The following TMEM38A variants were observed in gnomAD, a reference collection of about 807,000 sequenced individuals.
TMEM38A encodes the protein trimeric intracellular cation channel type A.
Under a neutral mutation model 28.6 loss-of-function variants are expected in TMEM38A, and 17 were observed. The observed-to-expected ratio is 0.60, with a 90% confidence interval of 0.41 to 0.89. TMEM38A has a LOEUF of 0.89. Ranked by LOEUF, TMEM38A falls within the 40% of genes least tolerant of loss-of-function variation. The pLI is 0.00. For missense variants in TMEM38A, 328 were observed against 393.1 expected, an observed-to-expected ratio of 0.83 and a Z score of 1.40; for synonymous variants, 169 against 166.1, an observed-to-expected ratio of 1.02 and a Z score of -0.14.
In TMEM38A at chr19:16,661,159, G is replaced by A; in HGVS notation, c.-59G>A. ...GGGGCGCAGTCGCCGGGCCGCGGGC[G>A]GCGGGACGGACGAGGCCGGGGCCCC... On this transcript the variant is annotated 5_prime_UTR_variant, in exon 1 of 6. Coordinates refer to ENST00000187762, the MANE Select transcript of TMEM38A (RefSeq NM_024074.4). This position sits in a 1 kb window ranked among gnomAD's most constrained non-coding sequence, Gnocchi z 6.5. 2 of 1,101,584 alleles carry A rather than the reference G, an allele frequency of 1.8e-6. No homozygotes were observed. The highest frequency in any genetic ancestry group is 1.1e-6 in the Non-Finnish European group (1 of 901,468). 68.2% of individuals were successfully genotyped at this position (1,101,584 alleles called of 1,614,324 possible). A position where few individuals can be genotyped will look rare whatever the true frequency, so the allele number is the denominator to read the frequency against.
At chr19:16,685,050 G>A (rs2547110) in intron 4 of TMEM38A, among the ~76,000 whole-genome samples, 141,976 of 149,284 alleles carry the variant, frequency 0.95, 67,616 homozygotes, top group Non-Finnish European at 0.99. Flanking sequence ...CCCTGTCTCT[G>A]TAAATAAATA....
At position 16,682,522 on chromosome 19, in the gene TMEM38A, T is replaced by A. The variant is rs900554440; in HGVS notation, c.554+14T>A. 1.9e-6 allele frequency: 3 copies of A among 1,612,174 alleles called. No homozygotes were observed. Among genetic ancestry groups the A allele is most frequent in the Non-Finnish European group, 2.5e-6 (3 of 1,178,480 alleles). On this transcript the variant is annotated intron_variant, in intron 4 of 5. Coordinates refer to ENST00000187762, the MANE Select transcript of TMEM38A (RefSeq NM_024074.4). Reference sequence around the variant, plus strand: ...GCACATGTCTTTGTGAGTATCCCACTCCACCTCTCCCTCCATGCCTCCTGT... The same window carrying A: ...GCACATGTCTTTGTGAGTATCCCACACCACCTCTCCCTCCATGCCTCCTGT...
chr19:16,677,328 C>T (rs531401916), intron 1 of TMEM38A, among the ~76,000 whole-genome samples: 1 of 152,162 alleles, frequency 6.6e-6, no homozygotes, highest in South Asian at 2.1e-4. Context: ...AACTCAACTA[C>T]AGACTTTATA....
rs765959119 is a variant in TMEM38A at position 16,680,108 on chromosome 19, C to A, written c.249C>A (p.Asn83Lys). Residue 83 changes from asparagine (N) to lysine (K), a missense_variant, in exon 2 of 6, where the codon AAC becomes AAA. Coordinates refer to ENST00000187762, the MANE Select transcript of TMEM38A (RefSeq NM_024074.4). Reference protein sequence around the residue: ...LGEPLIDYFSNNSSILLASAV... With the variant: ...LGEPLIDYFSKNSSILLASAV... The stretch of plus-strand genomic sequence containing the variant: ...AGCCACTGATCGATTACTTCAGCAA[C>A]AACTCCAGCATCCTGCTGGCCTCAG... The A allele has an allele frequency of 2.5e-6, 4 of 1,610,330 alleles. No homozygotes were observed. Among genetic ancestry groups the A allele is most frequent in the Middle Eastern group, 1.6e-4 (1 of 6,062 alleles).
chr19:16,677,629 T>A (rs2086757896), intron 1 of TMEM38A, among the ~76,000 whole-genome samples: 1 of 143,628 alleles, frequency 7.0e-6, no homozygotes, highest in African/African-American at 2.7e-5. Context: ...TGCTCATGAC[T>A]CACTGCAGCC....
chr19:16,688,147 T>C lies in TMEM38A; in HGVS notation c.676T>C (p.Phe226Leu). ...CTCCCTGGCCACCCCACCTCAGGTG[T>C]TTCTGACAGCCACCCACTCACACAG... is the stretch of plus-strand genomic sequence containing the variant. ...FTLFMVSCKV[F>L]LTATHSHSSP... is the part of the protein sequence containing the mutation. The change falls in exon 6 of 6, where the codon TTT (phenylalanine) becomes CTT (leucine). Residue 226 changes from phenylalanine to leucine, a missense_variant. Phe to Leu is a conservative substitution (Grantham distance 22, BLOSUM62 0). Transcript: ENST00000187762. 1 of 1,437,380 alleles carries C rather than the reference T, an allele frequency of 7.0e-7. No individual in the cohort carries two copies. Among genetic ancestry groups the C allele is most frequent in the Non-Finnish European group, 9.2e-7 (1 of 1,087,014 alleles). 89.0% of individuals were successfully genotyped at this position (1,437,380 alleles called of 1,614,324 possible). A position where few individuals can be genotyped will look rare whatever the true frequency, so the allele number is the denominator to read the frequency against.
chr19:16,686,194 G>C, intron 4 of TMEM38A, 94 bp from the exon 5 acceptor site: 1 of 813,540 alleles, frequency 1.2e-6, no homozygotes, highest in South Asian at 1.6e-5. Flanking sequence ...AGCTGGGATG[G>C]GAGCTGGTGC....
At chr19:16,685,548 G>A (rs1363904597) in intron 4 of TMEM38A, among the ~76,000 whole-genome samples, 1 of 152,210 alleles carries the variant, frequency 6.6e-6, no homozygotes, top group Non-Finnish European at 1.5e-5. Context: ...CTGCCAACCA[G>A]GGAAGCTCTT....
chr19:16,685,807 C>CT (rs2086799332), intron 4 of TMEM38A, among the ~76,000 whole-genome samples: 1 of 152,236 alleles, frequency 6.6e-6, no homozygotes, highest in East Asian at 1.9e-4. Context: ...AAGGCCAGAT[C>CT]TTTCCTTGGA....
At chr19:16,672,378 G>A (rs892537629) in intron 1 of TMEM38A, among the ~76,000 whole-genome samples, 2 of 150,568 alleles carry the variant, frequency 1.3e-5, no homozygotes, top group Admixed American at 6.6e-5. Flanking sequence ...ATTATCTTGG[G>A]CCTCACATAA....
At chr19:16,663,226 A>T (rs1357545091) in intron 1 of TMEM38A, among the ~76,000 whole-genome samples, 1 of 151,640 alleles carries the variant, frequency 6.6e-6, no homozygotes, top group East Asian at 2.0e-4. Flanking sequence ...GGTTGCAGTG[A>T]GCCGAGATCA....
At chr19:16,672,244 G>A (rs2086730631) in intron 1 of TMEM38A, among the ~76,000 whole-genome samples, 1 of 152,030 alleles carries the variant, frequency 6.6e-6, no homozygotes, top group African/African-American at 2.4e-5. Flanking sequence ...AGAAAAAAGT[G>A]GCTTGTTCAA....
chr19:16,683,365 GT>G (rs2086789284), intron 4 of TMEM38A, among the ~76,000 whole-genome samples: 1 of 151,880 alleles, frequency 6.6e-6, no homozygotes, highest in South Asian at 2.1e-4. Context: ...AAGCCTGGAG[GT>G]TTGCTTGAGT....
intron 1 of TMEM38A, among the ~76,000 whole-genome samples, chr19:16,679,092 T>A (rs1166388788): frequency 1.3e-5 from 2 of 148,672 alleles, no homozygotes; most frequent in African/African-American, 5.0e-5. Flanking sequence ...GAATTTGCAA[T>A]GAGCTGAGAT....
In TMEM38A at chr19:16,680,055, T is replaced by C; in HGVS notation, c.196T>C (p.Tyr66His). 6.2e-7 allele frequency: 1 copy of C among 1,611,562 alleles called. No individual in the cohort carries two copies. Among genetic ancestry groups the C allele is most frequent in the East Asian group, 2.2e-5 (1 of 44,874 alleles). The change falls in exon 2 of 6, where the codon TAC (tyrosine) becomes CAC (histidine). Residue 66 changes from tyrosine to histidine, a missense_variant. Transcript: ENST00000187762. The part of the protein sequence containing the change: ...LCAMLHCFGS[Y>H]ILADLLLGEP... ...CGCCATGCTGCATTGCTTCGGGAGC[T>C]ACATCCTGGCTGATCTGCTCCTTGG...
chr19:16,662,436 C>CTTTT (rs35226829), intron 1 of TMEM38A, among the ~76,000 whole-genome samples: 71 of 75,828 alleles, frequency 9.4e-4, no homozygotes, highest in Non-Finnish European at 1.1e-3. Context: ...TAAATGCACG[C>CTTTT]TTTTTTTTTT....
At chr19:16,669,020 G>A (rs1015026556) in intron 1 of TMEM38A, among the ~76,000 whole-genome samples, 1 of 151,708 alleles carries the variant, frequency 6.6e-6, no homozygotes, top group African/African-American at 2.4e-5. Context: ...AGTAGAGATG[G>A]GGTTTCTCCA....
chr19:16,688,117 G>T (rs777126707), intron 5 of TMEM38A, 27 bp from the exon 6 acceptor site: 3 of 1,401,552 alleles, frequency 2.1e-6, no homozygotes, highest in South Asian at 3.4e-5. Flanking sequence ...TGTCTCTCTT[G>T]CTGTCTCCCT....
At chr19:16,667,984 G>A (rs996539932) in intron 1 of TMEM38A, among the ~76,000 whole-genome samples, 26 of 152,208 alleles carry the variant, frequency 1.7e-4, no homozygotes, top group African/African-American at 6.3e-4. Context: ...TGAGGCTGGT[G>A]GATCACCTGA....
Sources: gnomAD v4.1 joint callset for allele counts (sites outside exome capture counted in the v4.1 genomes callset) on GRCh38, gnomAD v4.1.1 for gene constraint, Gnocchi (gnomAD v3.1) non-coding constraint, MANE v1.5 for transcripts, NCBI Gene and HGNC (gene_info 2026-07-23, HGNC 2026-07-21) for gene names.